Variants in CNTN1 observed in about 807,000 individuals in gnomAD.
CNTN1 encodes contactin-1.
CNTN1 carries 38 observed loss-of-function variants against 126.4 expected under a neutral mutation model. That is an observed-to-expected ratio of 0.30 (90% CI 0.23 to 0.39). The LOEUF (loss-of-function observed/expected upper bound fraction) is 0.39. Among genes scored for constraint, CNTN1 ranks in the 10% least tolerant of loss-of-function variants. The pLI is 1.00. For synonymous variants in CNTN1, 413 were observed against 422.6 expected (o/e 0.98, Z 0.28); for missense variants, 1,009 against 1,248.4 (o/e 0.81, Z 2.89).
intron 6 of CNTN1, among the ~76,000 whole-genome samples, chr12:40,927,533 C>T (rs893480215): frequency 1.3e-5 from 2 of 151,996 alleles, no homozygotes; most frequent in African/African-American, 4.8e-5. Context: ...GCCTTGGATC[C>T]CCCATTTAAA....
At chr12:41,058,497 G>T (rs1462041889) in intron 23 of CNTN1, among the ~76,000 whole-genome samples, 1 of 152,094 alleles carries the variant, frequency 6.6e-6, no homozygotes, top group Admixed American at 6.6e-5. Flanking sequence ...GTTTCTTAAA[G>T]AATTTCCCAG....
intron 16 of CNTN1, among the ~76,000 whole-genome samples, chr12:40,988,133 C>G (rs1212761288): frequency 6.6e-6 from 1 of 152,060 alleles, no homozygotes; most frequent in East Asian, 1.9e-4. Flanking sequence ...CTTCCAGAGT[C>G]CTGCCAGGCG....
At chr12:40,971,062 T>C (rs1947493140) in intron 15 of CNTN1, among the ~76,000 whole-genome samples, 1 of 152,324 alleles carries the variant, frequency 6.6e-6, no homozygotes, top group Non-Finnish European at 1.5e-5. Flanking sequence ...ATTACTTTTA[T>C]TCTTAGAAGT....
Position 41,025,146 on chromosome 12 carries a change from G to A in CNTN1, c.2524-4G>A, listed in dbSNP as rs1389906423. ...AAAATATAACTCATCCTGAATGTTT[G>A]CAGATTCGGTATTGGGCTGCCCATG... On this transcript the variant is annotated splice_region_variant and splice_polypyrimidine_tract_variant and intron_variant, in intron 20 of 23. Coordinates refer to ENST00000551295, the MANE Select transcript of CNTN1 (RefSeq NM_001843.4). 2 of 1,613,640 alleles carry A rather than the reference G, an allele frequency of 1.2e-6. No homozygotes were observed. The highest frequency in any genetic ancestry group is 2.7e-5 in the African/African-American group (2 of 74,998).
At chr12:41,025,429 T>C in intron 21 of CNTN1, 93 bp downstream of exon 21, 1 of 1,207,718 alleles carries the variant, frequency 8.3e-7, no homozygotes, top group Non-Finnish European at 1.2e-6. Context: ...CCTACCTAGC[T>C]ACCTGAGCAC....
intron 9 of CNTN1, 70 bp from the exon 10 acceptor site, chr12:40,936,711 T>G (rs565624701): frequency 3.8e-6 from 6 of 1,578,376 alleles, no homozygotes; most frequent in Non-Finnish European, 4.3e-6. Context: ...AAATGTAATA[T>G]TTATACTCTG....
At chr12:40,863,047 T>A (rs1262283949) in intron 1 of CNTN1, among the ~76,000 whole-genome samples, 1 of 152,212 alleles carries the variant, frequency 6.6e-6, no homozygotes, top group African/African-American at 2.4e-5. Context: ...ACATATTTGC[T>A]GTTTTATAGG....
rs1412430876 is a variant in CNTN1 at position 41,056,980 on chromosome 12, G to A, written c.2981-12979G>A. Among the ~76,000 whole-genome samples, 74 of 99,474 alleles carry A rather than the reference G, an allele frequency of 7.4e-4. 2 individuals are homozygous for A. Among genetic ancestry groups the A allele is most frequent in the African/African-American group, 3.3e-3 (65 of 19,740 alleles). 65.3% of individuals were successfully genotyped at this position (99,474 alleles called of 152,430 possible). Reference sequence around the variant, plus strand: ...TATTTATAAATATTATAAATATTTAGATATTTATAAATATTATAAATATTT... The same window carrying A: ...TATTTATAAATATTATAAATATTTAAATATTTATAAATATTATAAATATTT... On this transcript the variant is annotated intron_variant, in intron 23 of 23. Coordinates refer to ENST00000551295, the MANE Select transcript of CNTN1 (RefSeq NM_001843.4).
intron 1 of CNTN1, among the ~76,000 whole-genome samples, chr12:40,721,044 G>A (rs747222085): frequency 1.8e-4 from 27 of 151,646 alleles, no homozygotes; most frequent in Non-Finnish European, 2.2e-4. Flanking sequence ...ATCCAGCTAT[G>A]AATGTGTAAA....
chr12:41,034,781 C>T (rs1390243795), intron 23 of CNTN1, among the ~76,000 whole-genome samples: 2 of 152,296 alleles, frequency 1.3e-5, no homozygotes, highest in African/African-American at 2.4e-5. Context: ...CTTGCCTAAC[C>T]ACATAAATGT....
intron 23 of CNTN1, among the ~76,000 whole-genome samples, chr12:41,043,959 T>G (rs1358905620): frequency 8.3e-6 from 1 of 120,050 alleles, no homozygotes; most frequent in Non-Finnish European, 1.6e-5. Flanking sequence ...TGAGAACACA[T>G]GGACACAGGA....
intron 9 of CNTN1, among the ~76,000 whole-genome samples, chr12:40,934,495 T>G (rs2136922653): frequency 6.7e-6 from 1 of 149,372 alleles, no homozygotes; most frequent in African/African-American, 2.5e-5. Context: ...TAAAATAAAC[T>G]TACATTTGGG....
intron 1 of CNTN1, among the ~76,000 whole-genome samples, chr12:40,877,510 A>G (rs553218259): frequency 1.3e-5 from 2 of 152,316 alleles, no homozygotes; most frequent in East Asian, 3.9e-4. Context: ...TGAGTCAGAA[A>G]CCAAAATCAA....
chr12:40,998,612 C>A (rs536297150), intron 17 of CNTN1, among the ~76,000 whole-genome samples: 3 of 151,932 alleles, frequency 2.0e-5, no homozygotes, highest in Non-Finnish European at 4.4e-5. Flanking sequence ...GAACTATTCT[C>A]ATTTTAATAT....
At chr12:40,738,120 A>C (rs1937773559) in intron 1 of CNTN1, among the ~76,000 whole-genome samples, 1 of 152,096 alleles carries the variant, frequency 6.6e-6, no homozygotes, top group Non-Finnish European at 1.5e-5. Flanking sequence ...AGTGATTTTG[A>C]AGAACAAGTG....
At chr12:41,009,559 C>T (rs1188509091) in intron 17 of CNTN1, among the ~76,000 whole-genome samples, 7 of 152,192 alleles carry the variant, frequency 4.6e-5, no homozygotes, top group Non-Finnish European at 8.8e-5. Flanking sequence ...GAAGGCCCTT[C>T]CTATGGAAAG....
chr12:40,972,239 C>A, intron 15 of CNTN1: 1 of 985,160 alleles, frequency 1.0e-6, no homozygotes, highest in Non-Finnish European at 1.2e-6. Context: ...TTTTGTAGAT[C>A]GTTTGGGTGG....
At chr12:40,882,001 A>C (rs1244724936) in intron 1 of CNTN1, among the ~76,000 whole-genome samples, 1 of 150,180 alleles carries the variant, frequency 6.7e-6, no homozygotes, top group African/African-American at 2.4e-5. Flanking sequence ...CGTTTTTAAA[A>C]AATTGGTTTC....
intron 1 of CNTN1, among the ~76,000 whole-genome samples, chr12:40,780,747 A>T (rs1433481457): frequency 6.6e-6 from 1 of 151,068 alleles, no homozygotes; most frequent in Non-Finnish European, 1.5e-5. Flanking sequence ...TCCATGAATC[A>T]AAAGAGGAGG....
Sources: allele counts gnomAD v4.1 joint callset (sites outside exome capture counted in the v4.1 genomes callset), GRCh38; gene constraint gnomAD v4.1.1; transcripts MANE v1.5; gene names NCBI Gene and HGNC (gene_info 2026-07-23, HGNC 2026-07-21).